Variants in RSPO2 observed in about 807,000 individuals in gnomAD.
RSPO2 encodes the protein R-spondin 2, also known as R-spondin-2.
Under a neutral mutation model 30.9 loss-of-function variants are expected in RSPO2, and 14 were observed. The observed-to-expected ratio is 0.45, with a 90% CI of 0.30 to 0.71. The LOEUF (loss-of-function observed/expected upper bound fraction) is 0.71, where lower values mean the gene tolerates loss of function less well. Among genes scored for constraint, RSPO2 ranks in the 30% least tolerant of loss-of-function variants. The pLI is 0.08. For missense variants in RSPO2, 264 were observed against 301.9 expected, an observed-to-expected ratio of 0.87 and a Z score of 0.93; for synonymous variants, 107 against 96.4, an observed-to-expected ratio of 1.11 and a Z score of -0.64.
chr8:107,985,376 G>A (rs1814587316), intron 3 of RSPO2, among the ~76,000 whole-genome samples: 1 of 152,076 alleles, frequency 6.6e-6, no homozygotes, highest in Non-Finnish European at 1.5e-5. Context: ...TCATAGAACT[G>A]CTTATAATCA....
rs370253310 is a variant in RSPO2 at position 107,979,676 on chromosome 8, TA to T, written c.283+9379del. Among the ~76,000 whole-genome samples, 686 of 145,172 alleles carry T rather than the reference TA, an allele frequency of 4.7e-3. 1 individual carries two copies. The highest frequency in any genetic ancestry group is 0.015 in the African/African-American group (582 of 39,754). ...TGTACCCTAAAACTTAAATAATAAT[TA>T]AAAAAAAAAAGGCAGAAATCTGTGA... On this transcript the variant is annotated intron_variant, in intron 3 of 5. Transcript: ENST00000276659.
chr8:107,909,259 G>GTTGT lies in RSPO2; in HGVS notation c.617-8070_617-8069insACAA, dbSNP rs778793029. ...TATTCTCTCATATACTTTCCCAGTT[G>GTTGT]TTTTTTTTTTTTTTTTTTTTTGAGA... is the stretch of plus-strand genomic sequence containing the variant. On this transcript the variant is annotated intron_variant, in intron 5 of 5. Coordinates refer to ENST00000276659, the MANE Select transcript of RSPO2 (RefSeq NM_178565.5). Among the ~76,000 whole-genome samples, 32 of 91,588 alleles carry GTTGT rather than the reference G, an allele frequency of 3.5e-4. 1 individual carries two copies. The South Asian group carries it at 0.01, about 30-fold the overall frequency. 60.1% of individuals were successfully genotyped at this position (91,588 alleles called of 152,430 possible).
chr8:108,008,317 C>T (rs1028093796), intron 2 of RSPO2, among the ~76,000 whole-genome samples: 1 of 152,054 alleles, frequency 6.6e-6, no homozygotes, highest in African/African-American at 2.4e-5. Flanking sequence ...TAACCAGAGC[C>T]GAGTAGCAGC....
chr8:108,074,671 G>A (rs1386030188), intron 2 of RSPO2, among the ~76,000 whole-genome samples: 1 of 152,184 alleles, frequency 6.6e-6, no homozygotes, highest in African/African-American at 2.4e-5. Context: ...AATTTTGAAT[G>A]GGGTCAAAGG....
intron 2 of RSPO2, among the ~76,000 whole-genome samples, chr8:108,069,632 G>A (rs1812780098): frequency 6.6e-6 from 1 of 152,084 alleles, no homozygotes; most frequent in Admixed American, 6.5e-5. Flanking sequence ...CATCCTAAAT[G>A]TCCTGTTCAA....
rs71308771 is a variant in RSPO2, at chr8:108,029,054, C to CT, written c.95-39811dup. On this transcript the variant is annotated intron_variant, in intron 2 of 5. Transcript: ENST00000276659. ...AACTTGGGTAACTGTTAACATGAGT[C>CT]TTTTTTTTTTTTTTTTTTTTTTTTT... Among the ~76,000 whole-genome samples the CT allele has an allele frequency of 1.7e-3, 44 of 26,168 alleles. 15 individuals carry two copies. The highest frequency in any genetic ancestry group is 4.0e-3 in the Non-Finnish European group (36 of 8,922). The allele number at this position is 26,168 out of a possible 152,430, so 17.2% of individuals were successfully genotyped here.
intron 2 of RSPO2, among the ~76,000 whole-genome samples, chr8:108,075,073 G>A (rs910647134): frequency 2.0e-5 from 3 of 152,086 alleles, no homozygotes; most frequent in African/African-American, 4.8e-5. Flanking sequence ...GTATATAGAA[G>A]GCAAATACCA....
intron 5 of RSPO2, among the ~76,000 whole-genome samples, chr8:107,955,296 A>G (rs950852230): frequency 6.6e-6 from 1 of 152,088 alleles, no homozygotes; most frequent in East Asian, 1.9e-4. Flanking sequence ...TAAATCCTCA[A>G]TTTTACACAT....
intron 5 of RSPO2, among the ~76,000 whole-genome samples, chr8:107,910,538 G>T (rs978237568): frequency 2.6e-5 from 4 of 152,124 alleles, no homozygotes; most frequent in African/African-American, 4.8e-5. Context: ...GTCTCTTAAA[G>T]AAAAGGGTAT....
At chr8:108,053,805 A>G (rs1297203447) in intron 2 of RSPO2, among the ~76,000 whole-genome samples, 1 of 152,190 alleles carries the variant, frequency 6.6e-6, no homozygotes, top group Non-Finnish European at 1.5e-5. Context: ...TCAAAACATT[A>G]CTGGCTAAGA....
At chr8:107,928,816 G>A (rs1437454875) in intron 5 of RSPO2, among the ~76,000 whole-genome samples, 9 of 152,180 alleles carry the variant, frequency 5.9e-5, no homozygotes, top group Non-Finnish European at 1.0e-4. Flanking sequence ...ATTAAATAAG[G>A]AAATTAAGTA....
At chr8:108,018,763 T>C (rs1383398476) in intron 2 of RSPO2, among the ~76,000 whole-genome samples, 1 of 152,208 alleles carries the variant, frequency 6.6e-6, no homozygotes, top group African/African-American at 2.4e-5. Context: ...AATGCTAAGA[T>C]ATATTTTCTG....
intron 2 of RSPO2, among the ~76,000 whole-genome samples, chr8:108,064,733 T>C (rs962646271): frequency 1.4e-4 from 21 of 152,180 alleles, no homozygotes; most frequent in African/African-American, 5.1e-4. Context: ...CGTATGTTTA[T>C]TGGGGCACTA....
At chr8:108,039,029 TTTTGAACGGCTTA>T (rs1285217637) in intron 2 of RSPO2, among the ~76,000 whole-genome samples, 6 of 152,298 alleles carry the variant, frequency 3.9e-5, no homozygotes, top group Non-Finnish European at 8.8e-5. Flanking sequence ...AGTATCCACA[TTTTGAACGGCTTA>T]AATAATTAAA....
chr8:108,053,227 T>G (rs10096650), intron 2 of RSPO2, among the ~76,000 whole-genome samples: 1 of 152,134 alleles, frequency 6.6e-6, no homozygotes, highest in African/African-American at 2.4e-5. Context: ...TTAGCAGTGA[T>G]GCACTCCATA....
intron 3 of RSPO2, chr8:107,983,912 AC>A: frequency 7.8e-7 from 1 of 1,274,544 alleles, no homozygotes; most frequent in East Asian, 2.3e-5. Context: ...TTTTCCATCT[AC>A]AGAACTTCCT....
intron 2 of RSPO2, among the ~76,000 whole-genome samples, chr8:108,012,768 G>T (rs1048025295): frequency 1.3e-5 from 2 of 152,128 alleles, no homozygotes; most frequent in African/African-American, 4.8e-5. Context: ...ATAATAAAAA[G>T]ATCTTCCAAG....
chr8:108,040,295 T>G (rs1490412852), intron 2 of RSPO2, among the ~76,000 whole-genome samples: 1 of 152,182 alleles, frequency 6.6e-6, no homozygotes, highest in East Asian at 1.9e-4. Context: ...GTTATAAATA[T>G]TGAAAATCCC....
At chr8:107,975,668 G>A (rs1814180254) in intron 3 of RSPO2, among the ~76,000 whole-genome samples, 1 of 152,192 alleles carries the variant, frequency 6.6e-6, no homozygotes, top group African/African-American at 2.4e-5. Context: ...AATATGTACT[G>A]AGAACTTATG....
Sources: allele counts gnomAD v4.1 joint callset (sites outside exome capture counted in the v4.1 genomes callset), GRCh38; gene constraint gnomAD v4.1.1; transcripts MANE v1.5; gene names NCBI Gene and HGNC (gene_info 2026-07-23, HGNC 2026-07-21).